TSNARE1: variants seen among roughly 807,000 people sequenced by gnomAD.
The protein encoded by TSNARE1 is t-SNARE domain containing 1.
In TSNARE1, 49 loss-of-function variants were observed where a neutral mutation model predicts 62.0. The observed-to-expected ratio is 0.79, with a 90% CI of 0.63 to 1.00. TSNARE1 has a LOEUF of 1.00. Ranked by LOEUF, TSNARE1 falls within the 50% of genes least tolerant of loss-of-function variation. The probability of loss-of-function intolerance (pLI) is 0.00; values close to 1 mark genes in which losing one functional copy is unlikely to be tolerated. For missense variants in TSNARE1, 755 were observed against 700.1 expected (o/e 1.08, Z -0.88); for synonymous variants, 328 against 294.4 (o/e 1.11, Z -1.17).
intron 2 of TSNARE1, among the ~76,000 whole-genome samples, chr8:142,349,324 A>C (rs1261275985): frequency 6.6e-6 from 1 of 152,268 alleles, no homozygotes; most frequent in Admixed American, 6.5e-5. Context: ...AAAAAAATTT[A>C]AAATACTATA....
intron 11 of TSNARE1, chr8:142,278,315 C>A (rs1477740877): frequency 4.1e-6 from 4 of 985,460 alleles, no homozygotes; most frequent in African/African-American, 1.7e-5. Context: ...GATGCCCCAG[C>A]GCTCCAAGTT....
At chr8:142,274,759 T>A (rs528232160) in intron 12 of TSNARE1, 22 bp downstream of exon 12, 1 of 1,519,038 alleles carries the variant, frequency 6.6e-7, no homozygotes, top group East Asian at 2.6e-5. Context: ...GGCCGGGCAC[T>A]GTGGCCCTCA....
chr8:142,313,135 T>C (rs4325020), intron 9 of TSNARE1, among the ~76,000 whole-genome samples: 79,829 of 151,840 alleles, frequency 0.53, 22,305 homozygotes, highest in African/African-American at 0.72. Flanking sequence ...TGCATTTATC[T>C]GCATGTGTGT....
intron 2 of TSNARE1, among the ~76,000 whole-genome samples, chr8:142,347,111 C>G (rs1336254574): frequency 6.6e-6 from 1 of 152,182 alleles, no homozygotes; most frequent in Non-Finnish European, 1.5e-5. Context: ...AGCTCTGGGC[C>G]CTGGTGGGGG....
chr8:142,263,595 G>C (rs1818996422), intron 12 of TSNARE1, among the ~76,000 whole-genome samples: 1 of 152,134 alleles, frequency 6.6e-6, no homozygotes, highest in African/African-American at 2.4e-5. Context: ...CTTGAAAGTG[G>C]GGTAGAATAC....
Position 142,325,928 on chromosome 8 carries a change from G to A in TSNARE1, c.893+4973C>T, listed in dbSNP as rs112587913. ...CAGCACCAGCGAAGGGGAGGGCCCC[G>A]GAGAGCACGAGACGGATGACGAACC... On this transcript the variant is annotated intron_variant, in intron 6 of 13. Transcript: ENST00000524325. 4.3e-3 allele frequency: 716 copies of A among 165,752 alleles called. 2 individuals carry two copies. The highest frequency in any genetic ancestry group is 0.016 in the African/African-American group (621 of 39,808). 10.3% of individuals were successfully genotyped at this position (165,752 alleles called of 1,614,324 possible).
intron 10 of TSNARE1, among the ~76,000 whole-genome samples, chr8:142,293,095 G>A (rs1049062845): frequency 2.6e-5 from 4 of 152,154 alleles, no homozygotes; most frequent in African/African-American, 9.7e-5. Flanking sequence ...TTCCTCAGGA[G>A]TCCCCAAGAA....
chr8:142,366,257 C>T (rs1168639232), intron 1 of TSNARE1, among the ~76,000 whole-genome samples: 2 of 152,044 alleles, frequency 1.3e-5, no homozygotes, highest in South Asian at 2.1e-4. Flanking sequence ...AAGATGGTCT[C>T]GATCTCCTGA....
At chr8:142,293,794 T>A (rs1266424434) in intron 10 of TSNARE1, among the ~76,000 whole-genome samples, 1 of 152,146 alleles carries the variant, frequency 6.6e-6, no homozygotes, top group African/African-American at 2.4e-5. Context: ...CCCTGGAGCA[T>A]CTGCATCTAC....
intron 1 of TSNARE1, among the ~76,000 whole-genome samples, chr8:142,383,725 G>C (rs1321499716): frequency 2.0e-5 from 3 of 152,146 alleles, no homozygotes; most frequent in Admixed American, 6.5e-5. Context: ...CACAACCCTA[G>C]GAGGTTATCA....
chr8:142,379,312 C>T (rs536960151), intron 1 of TSNARE1, among the ~76,000 whole-genome samples: 3 of 152,336 alleles, frequency 2.0e-5, no homozygotes, highest in Admixed American at 2.0e-4. Flanking sequence ...AACCCCCAGA[C>T]TCAAATGCCC....
intron 1 of TSNARE1, among the ~76,000 whole-genome samples, chr8:142,359,533 ACGGCACCG>A (rs1835003160): frequency 6.6e-6 from 1 of 152,190 alleles, no homozygotes; most frequent in Non-Finnish European, 1.5e-5. Flanking sequence ...GTCCTTAGAC[ACGGCACCG>A]CTCACGTCGC....
At chr8:142,400,069 G>C (rs1564023406) in intron 1 of TSNARE1, among the ~76,000 whole-genome samples, 1 of 152,080 alleles carries the variant, frequency 6.6e-6, no homozygotes, top group South Asian at 2.1e-4. Context: ...GCTGGGCACG[G>C]TGGCTCACAC....
At chr8:142,397,868 G>A (rs1030688652) in intron 1 of TSNARE1, among the ~76,000 whole-genome samples, 1 of 152,186 alleles carries the variant, frequency 6.6e-6, no homozygotes. Context: ...CATGGAGCCT[G>A]GCCCCTGCAG....
intron 8 of TSNARE1, among the ~76,000 whole-genome samples, chr8:142,314,652 G>A (rs1346230549): frequency 6.6e-6 from 1 of 152,166 alleles, no homozygotes; most frequent in Non-Finnish European, 1.5e-5. Flanking sequence ...GGCTGCCAGG[G>A]CCGGGGCTGA....
At chr8:142,276,230 G>A (rs1237987681) in intron 11 of TSNARE1, 3 of 985,318 alleles carry the variant, frequency 3.0e-6, no homozygotes, top group Non-Finnish European at 3.6e-6. Flanking sequence ...GCCGCTCCTG[G>A]AGCAAAGCAC....
chr8:142,257,154 T>C (rs533382541), intron 12 of TSNARE1, among the ~76,000 whole-genome samples: 1 of 152,242 alleles, frequency 6.6e-6, no homozygotes, highest in African/African-American at 2.4e-5. Flanking sequence ...GGGAGGCAAG[T>C]CTCCACTTTC....
At chr8:142,330,871 G>A in intron 6 of TSNARE1, 30 bp downstream of exon 6, 1 of 1,612,142 alleles carries the variant, frequency 6.2e-7, no homozygotes, top group Admixed American at 1.7e-5. Flanking sequence ...CCACGCCCAG[G>A]CAAAGAGATA....
Position 142,385,739 on chromosome 8 carries a change from AAATACATTCATTTTGT to A in TSNARE1, c.-40+17349_-40+17364del, listed in dbSNP as rs1837070890. ...AATTGGTGATGGGAGGAAGAAAACAAAATACATTCATTTTGTAATTACTCATAGAAGGTGTACTAGT... is the reference window on the plus strand; with the variant it reads ...AATTGGTGATGGGAGGAAGAAAACAAAATTACTCATAGAAGGTGTACTAGT... On this transcript the variant is annotated intron_variant, in intron 1 of 13. Coordinates refer to ENST00000524325, the MANE Select transcript of TSNARE1 (RefSeq NM_145003.5). Among the ~76,000 whole-genome samples the A allele has an allele frequency of 2.0e-5, 3 of 152,350 alleles. No homozygotes were observed. In the South Asian group the frequency reaches 6.2e-4, roughly 32 times the overall value.
Sources: gnomAD v4.1 joint callset for allele counts (sites outside exome capture counted in the v4.1 genomes callset) on GRCh38, gnomAD v4.1.1 for gene constraint, MANE v1.5 for transcripts, NCBI Gene and HGNC (gene_info 2026-07-23, HGNC 2026-07-21) for gene names.